Variants in ACVRL1 observed in about 807,000 individuals in gnomAD.
ACVRL1 encodes activin A receptor like type 1.
In ACVRL1, 20 loss-of-function variants were observed where a neutral mutation model predicts 51.9. The observed-to-expected ratio is 0.39, with a 90% CI of 0.27 to 0.56. The LOEUF is 0.56. ACVRL1 is among the 20% of genes least tolerant of loss of function. The probability of loss-of-function intolerance (pLI) is 0.67; values close to 1 mark genes in which losing one functional copy is unlikely to be tolerated. For synonymous variants in ACVRL1, 288 were observed against 280.9 expected (o/e 1.03, Z -0.25); for missense variants, 451 against 670.3 (o/e 0.67, Z 3.61).
chr12:51,915,590 T>A (rs774731352), intron 7 of ACVRL1, 90 bp downstream of exon 7: 139 of 1,477,182 alleles, frequency 9.4e-5, no homozygotes, highest in Non-Finnish European at 1.2e-4. Context: ...TGACCATGAT[T>A]AGCACTTGAA....
In ACVRL1 at chr12:51,920,939, T is replaced by TGGGGGGGGGGGGGGGGGGGGGGGGGGGG; in HGVS notation, c.*52_*53insGGGGGGGGGGGGGGGGGGGGGGGGGGGG. 1 of 262,672 alleles carries TGGGGGGGGGGGGGGGGGGGGGGGGGGGG rather than the reference T, an allele frequency of 3.8e-6. No individual in the cohort carries two copies. Among genetic ancestry groups the TGGGGGGGGGGGGGGGGGGGGGGGGGGGG allele is most frequent in the East Asian group, 1.0e-4 (1 of 9,642 alleles). 16.3% of individuals were successfully genotyped at this position (262,672 alleles called of 1,614,324 possible). On this transcript the variant is annotated 3_prime_UTR_variant, in exon 10 of 10. Coordinates refer to ENST00000388922, the MANE Select transcript of ACVRL1 (RefSeq NM_000020.3). ...TTCTGCCTGCAGGGGGCTGGGGGGG[T>TGGGGGGGGGGGGGGGGGGGGGGGGGGGG]GGGGGGCAGTGGATGGTGCCCTATC...
rs976702601 is a variant in ACVRL1 at position 51,917,248 on chromosome 12, C to T, written c.1246+1015C>T. 3.3e-5 allele frequency among the ~76,000 whole-genome samples: 5 copies of T among 152,218 alleles called. No homozygotes were observed. Among genetic ancestry groups the T allele is most frequent in the African/African-American group, 7.2e-5 (3 of 41,460 alleles). ...CTCATCATCACTGTGTGCACTTAAACCTCTCTGGCCCTTGATTTCCTCATG... is the reference window on the plus strand; with the variant it reads ...CTCATCATCACTGTGTGCACTTAAATCTCTCTGGCCCTTGATTTCCTCATG... On this transcript the variant is annotated intron_variant, in intron 8 of 9. Transcript: ENST00000388922. This position sits in a 1 kb window ranked among gnomAD's most constrained non-coding sequence, Gnocchi z 4.2.
At position 51,921,873 on chromosome 12, in the gene ACVRL1, C is replaced by T. The variant is rs1376992134; in HGVS notation, c.*980C>T. On this transcript the variant is annotated 3_prime_UTR_variant, in exon 10 of 10. Coordinates refer to ENST00000388922, the MANE Select transcript of ACVRL1 (RefSeq NM_000020.3). ...TCAGACTCCCGAGTAGCTGGGATTA[C>T]AGGCACATGCCACCATGCCTGGCTA... is the stretch of plus-strand genomic sequence containing the variant. 1 of 152,204 alleles carries T rather than the reference C, an allele frequency of 6.6e-6. No homozygotes were observed. The highest frequency in any genetic ancestry group is 1.5e-5 in the Non-Finnish European group (1 of 68,072). The allele number at this position is 152,204 out of a possible 1,614,324, so 9.4% of individuals were successfully genotyped here.
At position 51,913,119 on chromosome 12, in the gene ACVRL1, C is replaced by G; in HGVS notation, c.82C>G (p.Arg28Gly). Residue 28 changes from arginine to glycine, a missense_variant, in exon 3 of 10, where the codon CGG becomes GGG. Coordinates refer to ENST00000388922, the MANE Select transcript of ACVRL1 (RefSeq NM_000020.3). The part of the protein sequence containing the change: ...VTQGDPVKPS[R>G]GPLVTCTCES... ...TCCAGGAGACCCTGTGAAGCCGTCT[C>G]GGGGCCCGCTGGTGACCTGCACGTG... The G allele has an allele frequency of 6.2e-7, 1 of 1,605,710 alleles. No homozygotes were observed. Among genetic ancestry groups the G allele is most frequent in the Non-Finnish European group, 8.5e-7 (1 of 1,179,136 alleles).
chr12:51,918,495 C>T (rs1406144721), intron 8 of ACVRL1, among the ~76,000 whole-genome samples: 3 of 152,170 alleles, frequency 2.0e-5, no homozygotes, highest in African/African-American at 4.8e-5. Context: ...GCTCAGTAAA[C>T]ATTTGGTGTT....
At chr12:51,915,802 T>C (rs1940823668) in intron 7 of ACVRL1, 1 of 633,114 alleles carries the variant, frequency 1.6e-6, no homozygotes, top group Non-Finnish European at 2.7e-6. Flanking sequence ...TCATAATGCC[T>C]GCCTTGCCCA....
At position 51,920,756 on chromosome 12, in the gene ACVRL1, C is replaced by T; in HGVS notation, c.1378-3C>T. On this transcript the variant is annotated splice_polypyrimidine_tract_variant and splice_region_variant and intron_variant, in intron 9 of 9. Coordinates refer to ENST00000388922, the MANE Select transcript of ACVRL1 (RefSeq NM_000020.3). ...TCCTCTGCACCTCTCTCCCAACCCC[C>T]AGGTCCTCTCAGGCCTAGCTCAGAT... 1 of 1,613,620 alleles carries T rather than the reference C, an allele frequency of 6.2e-7. No homozygotes were observed. The highest frequency in any genetic ancestry group is 1.1e-5 in the South Asian group (1 of 91,038).
intron 1 of ACVRL1, among the ~76,000 whole-genome samples, chr12:51,909,536 C>T (rs577239133): frequency 1.2e-4 from 18 of 151,566 alleles, no homozygotes; most frequent in Admixed American, 3.3e-4. Flanking sequence ...TTCATTTAAA[C>T]AAATCTGAGT....
intron 1 of ACVRL1, among the ~76,000 whole-genome samples, chr12:51,911,508 C>G (rs1423993054): frequency 6.6e-6 from 1 of 152,194 alleles, no homozygotes; most frequent in Non-Finnish European, 1.5e-5. Context: ...GGTGAGCTTG[C>G]AGAGAGGTTT....
chr12:51,914,097 G>C (rs528204060), intron 5 of ACVRL1, 24 bp downstream of exon 5: 79 of 1,607,246 alleles, frequency 4.9e-5, no homozygotes, highest in Non-Finnish European at 1.7e-6. Context: ...GAGCCCGGTG[G>C]ATGAGGACCA....
At chr12:51,916,551 T>C (rs1940845439) in intron 8 of ACVRL1, among the ~76,000 whole-genome samples, 1 of 152,250 alleles carries the variant, frequency 6.6e-6, no homozygotes, top group African/African-American at 2.4e-5. Flanking sequence ...TATTTAATTC[T>C]TTGGTATGGA....
In ACVRL1 at chr12:51,916,178, C is replaced by T. The variant is rs1490186012; in HGVS notation, c.1191C>T (p.Asp397=). Residue 397 remains aspartate (D), a synonymous_variant, in exon 8 of 10, where the codon GAC becomes GAT. Transcript: ENST00000388922. Reference sequence around the variant, plus strand: ...GCTTTGAGTCCTACAAGTGGACTGACATCTGGGCCTTTGGCCTGGTGCTGT... The same window carrying T: ...GCTTTGAGTCCTACAAGTGGACTGATATCTGGGCCTTTGGCCTGGTGCTGT... ...TDCFESYKWT[D]IWAFGLVLWE... is the part of the protein sequence containing the mutation. 6.2e-7 allele frequency: 1 copy of T among 1,614,228 alleles called. No homozygotes were observed. Among genetic ancestry groups the T allele is most frequent in the East Asian group, 2.2e-5 (1 of 44,870 alleles).
intron 8 of ACVRL1, among the ~76,000 whole-genome samples, chr12:51,916,952 C>G (rs1032865190): frequency 6.6e-6 from 1 of 151,694 alleles, no homozygotes; most frequent in East Asian, 1.9e-4. Flanking sequence ...CCAGTCTGGG[C>G]GACAGAGTGA....
chr12:51,915,624 A>G, intron 7 of ACVRL1, 124 bp downstream of exon 7: 3 of 1,317,992 alleles, frequency 2.3e-6, no homozygotes, highest in Non-Finnish European at 3.1e-6. Context: ...ATGTTGTTTC[A>G]GTTCTCCTCC....
At chr12:51,916,274 G>A in intron 8 of ACVRL1, 41 bp downstream of exon 8, 1 of 1,598,802 alleles carries the variant, frequency 6.3e-7, no homozygotes, top group Non-Finnish European at 8.5e-7. Context: ...AGGGGAATCA[G>A]CCTGTGGAGC....
intron 7 of ACVRL1, 150 bp from the exon 8 acceptor site, chr12:51,915,886 T>C: frequency 1.2e-6 from 1 of 825,380 alleles, no homozygotes; most frequent in Non-Finnish European, 1.9e-6. Flanking sequence ...CATGGTTCTC[T>C]CTGTGGCCAC....
chr12:51,915,019 C>G (rs904821101), intron 6 of ACVRL1, among the ~76,000 whole-genome samples: 1 of 152,150 alleles, frequency 6.6e-6, no homozygotes, highest in Non-Finnish European at 1.5e-5. Flanking sequence ...GTTGGGATTA[C>G]AGGTGCAAGC....
At chr12:51,911,948 C>A (rs1940697686) in intron 1 of ACVRL1, among the ~76,000 whole-genome samples, 1 of 152,188 alleles carries the variant, frequency 6.6e-6, no homozygotes, top group South Asian at 2.1e-4. Flanking sequence ...AGACCCCAAT[C>A]TAAACAATCT....
At chr12:51,915,941 T>A in intron 7 of ACVRL1, 95 bp from the exon 8 acceptor site, 1 of 1,399,332 alleles carries the variant, frequency 7.1e-7, no homozygotes, top group Non-Finnish European at 9.8e-7. Flanking sequence ...TGCCTTCCCC[T>A]CTCTGTCCCA....
Sources: allele counts gnomAD v4.1 joint callset (sites outside exome capture counted in the v4.1 genomes callset), GRCh38; gene constraint gnomAD v4.1.1; non-coding constraint Gnocchi (gnomAD v3.1); transcripts MANE v1.5; gene names NCBI Gene and HGNC (gene_info 2026-07-23, HGNC 2026-07-21).